The following CLBA1 variants were observed in gnomAD, a reference collection of about 807,000 sequenced individuals.
The protein encoded by CLBA1 is uncharacterized protein CLBA1.
A neutral mutation model predicts 28.8 loss-of-function variants in CLBA1; 30 were observed. The observed-to-expected ratio is 1.04, with a 90% CI of 0.78 to 1.41. The LOEUF is 1.41. CLBA1 is among the 40% of genes most tolerant of loss of function. The pLI is 0.00. For synonymous variants in CLBA1, 160 were observed against 152.8 expected (o/e 1.05, Z -0.35); for missense variants, 451 against 412.3 (o/e 1.09, Z -0.81).
intron 1 of CLBA1, 109 bp downstream of exon 1, chr14:104,986,963 C>A: frequency 7.7e-7 from 1 of 1,303,756 alleles, no homozygotes. Flanking sequence ...GCTGACAGCC[C>A]CAGAGCGTCT....
Position 104,986,316 on chromosome 14 carries a change from C to T in CLBA1, c.-116C>T, listed in dbSNP as rs968942117. 7.2e-6 allele frequency: 8 copies of T among 1,117,510 alleles called. No homozygotes were observed. In the African/African-American group the frequency reaches 1.1e-4, roughly 15 times the overall value. The allele number at this position is 1,117,510 out of a possible 1,614,324, so 69.2% of individuals were successfully genotyped here. ...GCAGCCCGGGGCACTCCTGCAGCGT[C>T]CCCTGGCCCTCTCCAGGGCAGGGGA... On this transcript the variant is annotated 5_prime_UTR_variant, in exon 1 of 5. Transcript: ENST00000547315.
At chr14:104,987,606 CTTTTTTTTTTTT>C (rs869117577) in intron 1 of CLBA1, among the ~76,000 whole-genome samples, 13 of 60,008 alleles carry the variant, frequency 2.2e-4, no homozygotes, top group Admixed American at 1.1e-3. Context: ...TCTTCCTTTT[CTTTTTTTTTTTT>C]TTTTTTTTTT....
At chr14:104,995,570 C>G (rs934711855), downstream of CLBA1, 2 of 937,518 alleles carry the variant, frequency 2.1e-6, no homozygotes, top group Non-Finnish European at 2.5e-6. Context: ...AATCCTGTCC[C>G]CAGGGGAGGC....
At chr14:104,995,889 A>G (rs914663939), downstream of CLBA1, among the ~76,000 whole-genome samples, 16 of 152,368 alleles carry the variant, frequency 1.1e-4, no homozygotes, top group African/African-American at 3.8e-4. Context: ...AGCCAGGGGA[A>G]AGTGGGAATT....
chr14:105,000,286 CTTTCT>C (rs1411126480), downstream of CLBA1, among the ~76,000 whole-genome samples: 6 of 148,664 alleles, frequency 4.0e-5, no homozygotes, highest in African/African-American at 1.6e-4. Flanking sequence ...TTCTTTCTTT[CTTTCT>C]TTTTTTTTTT....
intron 4 of CLBA1, chr14:104,993,357 G>A: frequency 1.0e-6 from 1 of 985,454 alleles, no homozygotes; most frequent in Non-Finnish European, 1.2e-6. Context: ...CAGGGAAGCT[G>A]AGACGCCAGG....
intron 1 of CLBA1, 137 bp from the exon 2 acceptor site, chr14:104,988,806 A>G (rs987473206): frequency 6.6e-6 from 6 of 913,368 alleles, no homozygotes; most frequent in East Asian, 5.4e-5. Flanking sequence ...TTAGGAATGA[A>G]TATGTCAAGT....
Position 104,986,732 on chromosome 14 carries a change from C to T in CLBA1, c.301C>T (p.Leu101Phe), listed in dbSNP as rs1182421378. The change falls in exon 1 of 5, where the codon CTC becomes TTC. Residue 101 changes from leucine (L) to phenylalanine (F), a missense_variant. Coordinates refer to ENST00000547315, the MANE Select transcript of CLBA1 (RefSeq NM_174891.4). ...ACAATTCTCACAGTCCCTTGAACTC[C>T]TCGAGGGACCCACAGAACCCCAGCC... is the stretch of plus-strand genomic sequence containing the variant. ...SGQFSQSLEL[L>F]EGPTEPQPPR... The T allele has an allele frequency of 1.2e-6, 2 of 1,614,082 alleles. No homozygotes were observed. Among genetic ancestry groups the T allele is most frequent in the Admixed American group, 1.7e-5 (1 of 60,012 alleles).
chr14:104,986,680 C>T lies in CLBA1; in HGVS notation c.249C>T (p.Gly83=). ...GCAGCACTTGGGGGGAGTTTGAAGG[C>T]TTTCGGGAATCTTCAGCCAAGTCTG... ...EHSSTWGEFE[G]FRESSAKSGQ... Residue 83 remains glycine (G), a synonymous_variant, in exon 1 of 5, where the codon GGC becomes GGT. Transcript: ENST00000547315. 6.2e-7 allele frequency: 1 copy of T among 1,614,122 alleles called. No individual in the cohort carries two copies. The highest frequency in any genetic ancestry group is 8.5e-7 in the Non-Finnish European group (1 of 1,180,018).
At chr14:104,993,152 G>A (rs1900085298) in intron 4 of CLBA1, 88 bp downstream of exon 4, 2 of 1,541,692 alleles carry the variant, frequency 1.3e-6, no homozygotes, top group South Asian at 2.4e-5. Flanking sequence ...ATGTGAGTCA[G>A]TTGCTTGTTT....
Position 104,993,061 on chromosome 14 carries a change from C to A in CLBA1, c.813C>A (p.Thr271=). ...CLQHCKALIQ[T]KLSGPPGSKQ... is the part of the protein sequence containing the mutation. ...AGCATTGCAAAGCCCTGATCCAGACCAAGGTGAGTGGTCACCAAGGAGAGG... is the reference window on the plus strand; with the variant it reads ...AGCATTGCAAAGCCCTGATCCAGACAAAGGTGAGTGGTCACCAAGGAGAGG... The change falls in exon 4 of 5, where the codon ACC becomes ACA. Residue 271 remains threonine, a synonymous_variant. Transcript: ENST00000547315. The A allele has an allele frequency of 6.2e-7, 1 of 1,613,276 alleles. No individual in the cohort carries two copies. Among genetic ancestry groups the A allele is most frequent in the Non-Finnish European group, 8.5e-7 (1 of 1,179,594 alleles).
At position 104,994,926 on chromosome 14, in the gene CLBA1, C is replaced by T. The variant is rs879135819; in HGVS notation, c.*167C>T. ...GTTCTGGGCTTGTCTCGGGTCTGAC[C>T]AGGAGATGGAGGATGTGTCCTTGGC... is the stretch of plus-strand genomic sequence containing the variant. On this transcript the variant is annotated 3_prime_UTR_variant, in exon 5 of 5. Transcript: ENST00000547315. The T allele has an allele frequency of 1.5e-6, 2 of 1,357,624 alleles. No homozygotes were observed. Among genetic ancestry groups the T allele is most frequent in the Non-Finnish European group, 1.9e-6 (2 of 1,057,848 alleles). The allele number at this position is 1,357,624 out of a possible 1,614,324, so 84.1% of individuals were successfully genotyped here.
chr14:104,994,540 A>G (rs1212817029), intron 4 of CLBA1, 58 bp from the exon 5 acceptor site: 1 of 1,552,060 alleles, frequency 6.4e-7, no homozygotes, highest in Non-Finnish European at 8.6e-7. Context: ...CAAACGCCCA[A>G]GCTAGCGCTT....
At chr14:104,999,089 G>A, downstream of CLBA1, 2 of 446,182 alleles carry the variant, frequency 4.5e-6, no homozygotes, top group Non-Finnish European at 5.9e-6. Context: ...TCCTCCCACA[G>A]ATGCCAGGCT....
chr14:104,995,158 G>A lies in CLBA1; in HGVS notation c.*399G>A. On this transcript the variant is annotated 3_prime_UTR_variant, in exon 5 of 5. Coordinates refer to ENST00000547315, the MANE Select transcript of CLBA1 (RefSeq NM_174891.4). Reference sequence around the variant, plus strand: ...CATGAGTTCAGAGGAAAAGGGGAAGGCACTGAAACGTCACCAGAGAGACAG... The same window carrying A: ...CATGAGTTCAGAGGAAAAGGGGAAGACACTGAAACGTCACCAGAGAGACAG... 1 of 990,480 alleles carries A rather than the reference G, an allele frequency of 1.0e-6. No homozygotes were observed. Among genetic ancestry groups the A allele is most frequent in the Non-Finnish European group, 1.2e-6 (1 of 833,502 alleles). 61.4% of individuals were successfully genotyped at this position (990,480 alleles called of 1,614,324 possible).
At chr14:104,993,613 ACTT>A (rs1345727856) in intron 4 of CLBA1, 20 of 985,250 alleles carry the variant, frequency 2.0e-5, no homozygotes, top group East Asian at 1.1e-4. Context: ...AGAGAAGGGG[ACTT>A]CTTCTTGCAG....
At position 104,986,864 on chromosome 14, in the gene CLBA1, C is replaced by T. The variant is rs1173040040; in HGVS notation, c.423+10C>T. 1.9e-6 allele frequency: 3 copies of T among 1,611,632 alleles called. No homozygotes were observed. The highest frequency in any genetic ancestry group is 1.7e-5 in the Admixed American group (1 of 60,000). ...CGTCCCACCTTCTGAGGTATTTCTG[C>T]TGTGCTGTGGTCACCATGTTGAGTG... On this transcript the variant is annotated intron_variant, in intron 1 of 4. Coordinates refer to ENST00000547315, the MANE Select transcript of CLBA1 (RefSeq NM_174891.4).
Position 104,993,451 on chromosome 14 carries a change from TCGTGAA to T in CLBA1, c.816+390_816+395del, listed in dbSNP as rs1204985141. 9.1e-6 allele frequency: 9 copies of T among 985,238 alleles called. No individual in the cohort carries two copies. The African/African-American group carries it at 1.6e-4, about 17-fold the overall frequency. 61.0% of individuals were successfully genotyped at this position (985,238 alleles called of 1,614,324 possible). A position where few individuals can be genotyped will look rare whatever the true frequency, so the allele number is the denominator to read the frequency against. Reference sequence around the variant, plus strand: ...GATGTTGACTCCGCCTGGGCAGCTGTCGTGAACGGATCTGACTGGCGGCTTCAGTCA... The same window carrying T: ...GATGTTGACTCCGCCTGGGCAGCTGTCGGATCTGACTGGCGGCTTCAGTCA... On this transcript the variant is annotated intron_variant, in intron 4 of 4. Coordinates refer to ENST00000547315, the MANE Select transcript of CLBA1 (RefSeq NM_174891.4).
In CLBA1 at chr14:104,986,596, C is replaced by G. The variant is rs954141342; in HGVS notation, c.165C>G (p.Ser55=). 1 of 1,614,016 alleles carries G rather than the reference C, an allele frequency of 6.2e-7. No homozygotes were observed. Among genetic ancestry groups the G allele is most frequent in the Non-Finnish European group, 8.5e-7 (1 of 1,180,044 alleles). ...LLLSDGKASI[S]MPREGGSTCT... The stretch of plus-strand genomic sequence containing the variant: ...TGTCCGATGGGAAAGCCAGCATCTC[C>G]ATGCCCCGTGAGGGCGGTTCCACCT... The change falls in exon 1 of 5, where the codon TCC becomes TCG. Residue 55 remains serine (S), a synonymous_variant. Coordinates refer to ENST00000547315, the MANE Select transcript of CLBA1 (RefSeq NM_174891.4).
Sources: gnomAD v4.1 joint callset for allele counts (sites outside exome capture counted in the v4.1 genomes callset) on GRCh38, gnomAD v4.1.1 for gene constraint, MANE v1.5 for transcripts, NCBI Gene and HGNC (gene_info 2026-07-23, HGNC 2026-07-21) for gene names.